The following HIVEP2 variants were observed in gnomAD, a reference collection of about 807,000 sequenced individuals.
HIVEP2 encodes the protein HIVEP zinc finger 2.
Under a neutral mutation model 180.7 loss-of-function variants are expected in HIVEP2, and 14 were observed. The observed-to-expected ratio is 0.08, with a 90% CI of 0.05 to 0.12. The LOEUF (loss-of-function observed/expected upper bound fraction) is 0.12, where lower values mean the gene tolerates loss of function less well. Ranked by LOEUF, HIVEP2 falls within the 10% of genes least tolerant of loss-of-function variation. The pLI, the probability that HIVEP2 is intolerant of heterozygous loss-of-function variation, is 1.00. For missense variants in HIVEP2, 2,579 were observed against 3,008.5 expected, an observed-to-expected ratio of 0.86 and a Z score of 3.34; for synonymous variants, 1,184 against 1,136.4, an observed-to-expected ratio of 1.04 and a Z score of -0.84.
intron 3 of HIVEP2, among the ~76,000 whole-genome samples, chr6:142,780,204 C>T (rs559568051): frequency 2.0e-5 from 3 of 152,254 alleles, no homozygotes; most frequent in Non-Finnish European, 2.9e-5. Flanking sequence ...CCGAGATGCC[C>T]CACCATTTTA....
chr6:142,939,781 T>C (rs1355362758), intron 1 of HIVEP2, among the ~76,000 whole-genome samples: 5 of 152,242 alleles, frequency 3.3e-5, no homozygotes, highest in African/African-American at 1.2e-4. Context: ...CTGTTGCTCA[T>C]TCTGACTCTT....
At chr6:142,915,895 A>G (rs919045400) in intron 1 of HIVEP2, among the ~76,000 whole-genome samples, 4 of 152,198 alleles carry the variant, frequency 2.6e-5, no homozygotes, top group African/African-American at 9.6e-5. Flanking sequence ...AAGCCGCTTT[A>G]AACTCAACAA....
chr6:142,752,906 G>A lies in HIVEP2; in HGVS notation c.*201C>T, dbSNP rs1406046007. 3 of 552,224 alleles carry A rather than the reference G, an allele frequency of 5.4e-6. No homozygotes were observed. Among genetic ancestry groups the A allele is most frequent in the Admixed American group, 3.1e-5 (1 of 31,880 alleles). 34.2% of individuals were successfully genotyped at this position (552,224 alleles called of 1,614,324 possible). A position where few individuals can be genotyped will look rare whatever the true frequency, so the allele number is the denominator to read the frequency against. On this transcript the variant is annotated 3_prime_UTR_variant, in exon 10 of 10. Transcript: ENST00000367603. ...ATTTTAAAAGTACCAGACCCAATAGGTTAATTTCAAATTTTGTTTTGGTCA... is the reference window on the plus strand; with the variant it reads ...ATTTTAAAAGTACCAGACCCAATAGATTAATTTCAAATTTTGTTTTGGTCA...
chr6:142,831,423 C>T (rs1775076994), intron 2 of HIVEP2, among the ~76,000 whole-genome samples: 1 of 152,136 alleles, frequency 6.6e-6, no homozygotes, highest in Non-Finnish European at 1.5e-5. Context: ...CCACCTCACC[C>T]GCCATCCAAC....
intron 1 of HIVEP2, among the ~76,000 whole-genome samples, chr6:142,856,088 T>A (rs1047995205): frequency 2.0e-5 from 3 of 152,176 alleles, no homozygotes; most frequent in Non-Finnish European, 2.9e-5. Context: ...AATATCTGTC[T>A]TCAGTATTTG....
Position 142,771,211 on chromosome 6 carries a change from G to C in HIVEP2, c.3528C>G (p.Ser1176=). 1 of 1,614,224 alleles carries C rather than the reference G, an allele frequency of 6.2e-7. No homozygotes were observed. The highest frequency in any genetic ancestry group is 8.5e-7 in the Non-Finnish European group (1 of 1,180,046). Residue 1176 remains serine, a synonymous_variant, in exon 5 of 10, where the codon TCC becomes TCG. Coordinates refer to ENST00000367603, the MANE Select transcript of HIVEP2 (RefSeq NM_006734.4). The surrounding 1 kb of genome is among the most constrained non-coding windows in gnomAD (Gnocchi z 5.4). ...SLRNPLIQPT[S]YMTSKHLPEQ... ...CAGGTAAGTGCTTGCTTGTCATATA[G>C]GATGTTGGTTGGATCAAGGGATTTC...
intron 1 of HIVEP2, among the ~76,000 whole-genome samples, chr6:142,860,868 C>T (rs1005669086): frequency 3.3e-5 from 5 of 152,118 alleles, no homozygotes; most frequent in Non-Finnish European, 5.9e-5. Flanking sequence ...AGCTTTATTC[C>T]GCACAAATTC....
At chr6:142,808,963 C>T (rs1278749997) in intron 2 of HIVEP2, among the ~76,000 whole-genome samples, 6 of 152,104 alleles carry the variant, frequency 3.9e-5, no homozygotes, top group Non-Finnish European at 7.4e-5. Context: ...CAGCTCTTCT[C>T]TTCCTTATTA....
chr6:142,878,774 T>C (rs1776509147), intron 1 of HIVEP2, among the ~76,000 whole-genome samples: 1 of 152,174 alleles, frequency 6.6e-6, no homozygotes, highest in African/African-American at 2.4e-5. Context: ...GTAGGGACAC[T>C]GAGAGGCCTC....
At chr6:142,794,891 G>A (rs958939450) in intron 2 of HIVEP2, among the ~76,000 whole-genome samples, 2 of 152,172 alleles carry the variant, frequency 1.3e-5, no homozygotes, top group African/African-American at 4.8e-5. Context: ...TTAAGGTAAA[G>A]CTTCAACTAT....
At chr6:142,776,956 AG>A (rs1343422398) in intron 3 of HIVEP2, among the ~76,000 whole-genome samples, 2 of 152,202 alleles carry the variant, frequency 1.3e-5, no homozygotes, top group African/African-American at 4.8e-5. Context: ...CGTATGGCTC[AG>A]GAAGACTTGA....
intron 6 of HIVEP2, among the ~76,000 whole-genome samples, chr6:142,766,976 A>T (rs1227058506): frequency 6.6e-6 from 1 of 152,228 alleles, no homozygotes; most frequent in Non-Finnish European, 1.5e-5. Context: ...TGGGCCACAG[A>T]TTAAGAAGTA....
chr6:142,877,553 A>G (rs1045629886), intron 1 of HIVEP2, among the ~76,000 whole-genome samples: 3 of 152,218 alleles, frequency 2.0e-5, no homozygotes, highest in Non-Finnish European at 2.9e-5. Flanking sequence ...TTTACTACCA[A>G]AGTCCAAATT....
intron 2 of HIVEP2, among the ~76,000 whole-genome samples, chr6:142,825,833 AATTT>A (rs1407396282): frequency 7.2e-5 from 11 of 152,218 alleles, no homozygotes; most frequent in South Asian, 2.1e-4. Flanking sequence ...TTAATTAATT[AATTT>A]AAGGTGCCAA....
At chr6:142,864,258 C>CTACA (rs1776078533) in intron 1 of HIVEP2, among the ~76,000 whole-genome samples, 1 of 152,090 alleles carries the variant, frequency 6.6e-6, no homozygotes, top group Admixed American at 6.6e-5. Flanking sequence ...CACCAGCAGC[C>CTACA]TACAGGAGTG....
intron 1 of HIVEP2, among the ~76,000 whole-genome samples, chr6:142,938,270 C>A (rs551396563): frequency 6.6e-6 from 1 of 152,150 alleles, no homozygotes; most frequent in Non-Finnish European, 1.5e-5. Context: ...GGCATGGCAA[C>A]GCATGTAATT....
intron 1 of HIVEP2, among the ~76,000 whole-genome samples, chr6:142,927,238 T>C (rs1408004768): frequency 6.6e-6 from 1 of 152,168 alleles, no homozygotes; most frequent in African/African-American, 2.4e-5. Flanking sequence ...GGAAAAGGCG[T>C]GCGTTTCCAG....
At chr6:142,818,005 C>CAA (rs199991919) in intron 2 of HIVEP2, among the ~76,000 whole-genome samples, 104 of 124,400 alleles carry the variant, frequency 8.4e-4, no homozygotes, top group African/African-American at 1.8e-3. Context: ...GACTCTGTCT[C>CAA]AAAAAAAAAA....
chr6:142,753,239 T>C lies in HIVEP2; in HGVS notation c.7209A>G (p.Pro2403=). The C allele has an allele frequency of 6.2e-7, 1 of 1,614,150 alleles. No homozygotes were observed. The highest frequency in any genetic ancestry group is 8.5e-7 in the Non-Finnish European group (1 of 1,179,978). ...EKDNFGTSQT[P]LAHSTFYSKS... is the part of the protein sequence containing the mutation. The stretch of plus-strand genomic sequence containing the variant: ...TGCTGTAAAACGTGGAGTGAGCTAA[T>C]GGAGTCTGTGATGTACCAAAATTGT... Residue 2403 remains proline (P), a synonymous_variant, in exon 10 of 10, where the codon CCA becomes CCG. Coordinates refer to ENST00000367603, the MANE Select transcript of HIVEP2 (RefSeq NM_006734.4).
Sources: allele counts gnomAD v4.1 joint callset (sites outside exome capture counted in the v4.1 genomes callset), GRCh38; gene constraint gnomAD v4.1.1; non-coding constraint Gnocchi (gnomAD v3.1); transcripts MANE v1.5; gene names NCBI Gene and HGNC (gene_info 2026-07-23, HGNC 2026-07-21).